CSMD1: variants seen among roughly 807,000 people sequenced by gnomAD.
CSMD1 encodes CUB and sushi domain-containing protein 1.
CSMD1 carries 213 observed loss-of-function variants against 417.5 expected under a neutral mutation model. The ratio of observed to expected loss-of-function variants is 0.51; its 90% CI spans 0.46 to 0.57. The LOEUF is 0.57. Among genes scored for constraint, CSMD1 ranks in the 20% least tolerant of loss-of-function variants. The probability of loss-of-function intolerance (pLI) is 0.00; values close to 1 mark genes in which losing one functional copy is unlikely to be tolerated. For synonymous variants in CSMD1, 2,862 were observed against 1,736.8 expected, an observed-to-expected ratio of 1.65 and a Z score of -16.11; for missense variants, 6,923 against 4,529.7, an observed-to-expected ratio of 1.53 and a Z score of -15.17.
At position 2,938,717 on chromosome 8, in the gene CSMD1, G is replaced by A. The variant is rs1422384117; in HGVS notation, c.10563C>T (p.Gly3521=). 1.2e-6 allele frequency: 2 copies of A among 1,610,778 alleles called. No homozygotes were observed. Among genetic ancestry groups the A allele is most frequent in the South Asian group, 2.2e-5 (2 of 90,290 alleles). The change falls in exon 70 of 70, where the codon GGC becomes GGT. Residue 3521 remains glycine, a synonymous_variant. Transcript: ENST00000635120. Reference sequence around the variant, plus strand: ...CATTGCTGTTTTCATGCCCAGCATAGCCATTGTATTGAACTTTTGGTCTCG... The same window carrying A: ...CATTGCTGTTTTCATGCCCAGCATAACCATTGTATTGAACTTTTGGTCTCG... ...HRTRPKVQYN[G]YAGHENSNGQ...
At chr8:4,269,202 C>T (rs900103515) in intron 3 of CSMD1, among the ~76,000 whole-genome samples, 2 of 151,896 alleles carry the variant, frequency 1.3e-5, no homozygotes, top group African/African-American at 2.4e-5. Context: ...GACTACAGAC[C>T]CGAGCCACCA....
At chr8:3,662,486 G>A (rs1340702666) in intron 7 of CSMD1, among the ~76,000 whole-genome samples, 4 of 152,240 alleles carry the variant, frequency 2.6e-5, no homozygotes, top group Admixed American at 2.0e-4. Flanking sequence ...TGTAAATAGT[G>A]CTGCAATAAA....
Position 4,527,977 on chromosome 8 carries a change from A to G in CSMD1, c.303-107912T>C, listed in dbSNP as rs73660899. Among the ~76,000 whole-genome samples, 374 of 152,306 alleles carry G rather than the reference A, an allele frequency of 2.5e-3. 5 individuals carry two copies. The highest frequency in any genetic ancestry group is 8.4e-3 in the African/African-American group (351 of 41,568). On this transcript the variant is annotated intron_variant, in intron 2 of 69. Coordinates refer to ENST00000635120, the MANE Select transcript of CSMD1 (RefSeq NM_033225.6). Reference sequence around the variant, plus strand: ...ACTCTGGATTGTATTCAGTCTCTATAGAATCCATGGCTCTCACTCAGAGCC... The same window carrying G: ...ACTCTGGATTGTATTCAGTCTCTATGGAATCCATGGCTCTCACTCAGAGCC...
intron 1 of CSMD1, among the ~76,000 whole-genome samples, chr8:4,693,419 G>A (rs772673435): frequency 3.3e-5 from 5 of 152,218 alleles, no homozygotes; most frequent in Non-Finnish European, 7.3e-5. Context: ...TTCTGGCTGT[G>A]TCAGCCTCAA....
At chr8:4,825,395 A>G (rs779814125) in intron 1 of CSMD1, among the ~76,000 whole-genome samples, 1 of 152,102 alleles carries the variant, frequency 6.6e-6, no homozygotes, top group African/African-American at 2.4e-5. Context: ...TATTCAGCAT[A>G]TAATGCAGTG....
chr8:3,322,809 T>C (rs1584998227), intron 23 of CSMD1, among the ~76,000 whole-genome samples: 1 of 152,246 alleles, frequency 6.6e-6, no homozygotes, highest in South Asian at 2.1e-4. Flanking sequence ...TCCTGTCCAG[T>C]CTGCTTACAA....
intron 7 of CSMD1, among the ~76,000 whole-genome samples, chr8:3,652,374 A>G (rs1028216415): frequency 3.9e-5 from 6 of 152,196 alleles, no homozygotes; most frequent in Non-Finnish European, 5.9e-5. Flanking sequence ...CCACCATCAG[A>G]GCGCTTAGCA....
chr8:4,254,628 T>G (rs1453070014), intron 3 of CSMD1, among the ~76,000 whole-genome samples: 1 of 152,204 alleles, frequency 6.6e-6, no homozygotes, highest in African/African-American at 2.4e-5. Flanking sequence ...CTTCCAGGCC[T>G]GCAAGATTTA....
intron 5 of CSMD1, among the ~76,000 whole-genome samples, chr8:3,772,512 TATAC>T (rs1798656613): frequency 2.4e-5 from 1 of 40,860 alleles, no homozygotes; most frequent in African/African-American, 5.5e-5. Flanking sequence ...TATACACATA[TATAC>T]ATATATACAC....
chr8:4,821,664 T>A (rs933558736), intron 1 of CSMD1, among the ~76,000 whole-genome samples: 19 of 152,106 alleles, frequency 1.2e-4, no homozygotes, highest in African/African-American at 4.6e-4. Flanking sequence ...TGAAAGGAAA[T>A]GATGACTCTG....
Position 4,945,491 on chromosome 8 carries a change from T to C in CSMD1, c.85+48841A>G, listed in dbSNP as rs377339329. On this transcript the variant is annotated intron_variant, in intron 1 of 69. Transcript: ENST00000635120. ...GGGCGGATTACTTGAGCCCAAGAGT[T>C]TTAAAAAAACAAAATAAAAAGAGGA... Among the ~76,000 whole-genome samples, 4 of 145,574 alleles carry C rather than the reference T, an allele frequency of 2.7e-5. No individual in the cohort carries two copies. In the East Asian group the frequency reaches 5.9e-4, roughly 22 times the overall value.
intron 1 of CSMD1, among the ~76,000 whole-genome samples, chr8:4,778,837 T>G (rs1251762321): frequency 1.3e-5 from 2 of 152,166 alleles, no homozygotes; most frequent in African/African-American, 4.8e-5. Context: ...TGATCAAAAG[T>G]CAGATAGTAT....
chr8:3,899,799 G>T (rs944342471), intron 5 of CSMD1, among the ~76,000 whole-genome samples: 1 of 152,304 alleles, frequency 6.6e-6, no homozygotes, highest in African/African-American at 2.4e-5. Flanking sequence ...GAAGGTGACA[G>T]TGGATAGCAC....
intron 1 of CSMD1, among the ~76,000 whole-genome samples, chr8:4,871,332 T>G (rs954710176): frequency 6.6e-6 from 1 of 152,164 alleles, no homozygotes. Flanking sequence ...GATTTTCTGA[T>G]GCTTCCAGCT....
At chr8:3,577,724 C>T (rs1399707123) in intron 9 of CSMD1, among the ~76,000 whole-genome samples, 1 of 152,226 alleles carries the variant, frequency 6.6e-6, no homozygotes, top group African/African-American at 2.4e-5. Context: ...GCTTGTGCTA[C>T]TTTCTCAATG....
At chr8:4,117,053 G>A (rs558433148) in intron 3 of CSMD1, among the ~76,000 whole-genome samples, 1 of 151,958 alleles carries the variant, frequency 6.6e-6, no homozygotes, top group African/African-American at 2.4e-5. Context: ...ACTGTCAGTA[G>A]TTAACCAGAA....
At chr8:4,192,710 G>C (rs1357686492) in intron 3 of CSMD1, among the ~76,000 whole-genome samples, 1 of 152,120 alleles carries the variant, frequency 6.6e-6, no homozygotes, top group African/African-American at 2.4e-5. Context: ...CCAACATGTC[G>C]GGTATGAGGA....
chr8:3,106,168 T>G lies in CSMD1; in HGVS notation c.6949+360A>C, dbSNP rs1404190672. ...TGGGAAGCTGAGGCAGGTAGATAGC[T>G]CGAGTCCAGAAGTTCAAGACCAGCC... On this transcript the variant is annotated intron_variant, in intron 46 of 69. Coordinates refer to ENST00000635120, the MANE Select transcript of CSMD1 (RefSeq NM_033225.6). Among the ~76,000 whole-genome samples the G allele has an allele frequency of 2.0e-5, 3 of 148,520 alleles. No individual in the cohort carries two copies. In the East Asian group the frequency reaches 6.0e-4, roughly 30 times the overall value.
chr8:3,335,024 T>C (rs1178705427), intron 23 of CSMD1, among the ~76,000 whole-genome samples: 1 of 152,134 alleles, frequency 6.6e-6, no homozygotes, highest in Non-Finnish European at 1.5e-5. Flanking sequence ...GATGATACTG[T>C]CTCTTAAACA....
Sources: allele counts gnomAD v4.1 joint callset (sites outside exome capture counted in the v4.1 genomes callset), GRCh38; gene constraint gnomAD v4.1.1; transcripts MANE v1.5; gene names NCBI Gene and HGNC (gene_info 2026-07-23, HGNC 2026-07-21).